ARHGEF4: variants seen among roughly 807,000 people sequenced by gnomAD.
ARHGEF4 encodes the protein APC-stimulated guanine nucleotide exchange factor 1.
ARHGEF4 carries 119 observed loss-of-function variants against 162.0 expected under a neutral mutation model. The ratio of observed to expected loss-of-function variants is 0.73; its 90% CI spans 0.63 to 0.86. ARHGEF4 has a LOEUF of 0.86. ARHGEF4 is among the 40% of genes least tolerant of loss of function. The pLI, the probability that ARHGEF4 is intolerant of heterozygous loss-of-function variation, is 0.00. For synonymous variants in ARHGEF4, 1,014 were observed against 979.9 expected, an observed-to-expected ratio of 1.03 and a Z score of -0.65; for missense variants, 2,488 against 2,456.0, an observed-to-expected ratio of 1.01 and a Z score of -0.28.
intron 1 of ARHGEF4, among the ~76,000 whole-genome samples, chr2:130,875,448 G>A (rs1574139004): frequency 6.6e-6 from 1 of 152,164 alleles, no homozygotes; most frequent in African/African-American, 2.4e-5. Flanking sequence ...AGACAGCCAC[G>A]TCTGCTTGGC....
chr2:130,877,145 C>A (rs553436496), intron 1 of ARHGEF4, among the ~76,000 whole-genome samples: 1 of 152,084 alleles, frequency 6.6e-6, no homozygotes, highest in African/African-American at 2.4e-5. Flanking sequence ...TGCGTAGAAG[C>A]GGTGCTCCCA....
chr2:130,973,882 CA>C (rs1685520878), intron 4 of ARHGEF4, among the ~76,000 whole-genome samples: 1 of 152,062 alleles, frequency 6.6e-6, no homozygotes, highest in African/African-American at 2.4e-5. Context: ...ATTTTAGGTA[CA>C]AAAGTTATCA....
intron 1 of ARHGEF4, among the ~76,000 whole-genome samples, chr2:130,854,479 C>T (rs906693163): frequency 1.3e-5 from 2 of 152,220 alleles, no homozygotes; most frequent in Non-Finnish European, 2.9e-5. Flanking sequence ...TTTGGCTGCA[C>T]CCCAGGAGGG....
chr2:130,904,900 G>A (rs1274153199), intron 1 of ARHGEF4, among the ~76,000 whole-genome samples: 3 of 152,096 alleles, frequency 2.0e-5, no homozygotes, highest in Non-Finnish European at 2.9e-5. Flanking sequence ...CCAACATGGC[G>A]AAACCCTGTC....
chr2:130,837,663 G>C, intron 1 of ARHGEF4: 1 of 444,066 alleles, frequency 2.3e-6, no homozygotes, highest in Middle Eastern at 4.0e-4. Flanking sequence ...GCACTGTCAG[G>C]GGTGGCCGGC....
chr2:130,985,615 T>C (rs193257282), intron 4 of ARHGEF4, among the ~76,000 whole-genome samples: 33 of 152,266 alleles, frequency 2.2e-4, no homozygotes, highest in African/African-American at 7.7e-4. Flanking sequence ...CTGAAAGTCC[T>C]TTCCTGAGGA....
intron 4 of ARHGEF4, among the ~76,000 whole-genome samples, chr2:130,969,553 C>G (rs890250882): frequency 7.3e-5 from 11 of 151,486 alleles, no homozygotes; most frequent in Non-Finnish European, 1.6e-4. Context: ...GAGCCGAGAT[C>G]GCGCCACTGC....
chr2:131,038,848 G>A lies in ARHGEF4; in HGVS notation c.4126-5G>A, dbSNP rs557130334. ...TGACCCGCCTGCCCGTGGCTCTCTC[G>A]GCAGCTCATCAGCGATGGCAGTGTG... On this transcript the variant is annotated splice_polypyrimidine_tract_variant and splice_region_variant and intron_variant, in intron 5 of 13. Transcript: ENST00000409359. The A allele has an allele frequency of 6.2e-6, 10 of 1,600,402 alleles. No homozygotes were observed. Among genetic ancestry groups the A allele is most frequent in the African/African-American group, 4.0e-5 (3 of 74,746 alleles).
Position 130,917,025 on chromosome 2 carries a change from G to T in ARHGEF4, c.3079G>T (p.Glu1027Ter). The T allele has an allele frequency of 6.4e-7, 1 of 1,550,916 alleles. No individual in the cohort carries two copies. The highest frequency in any genetic ancestry group is 8.7e-7 in the Non-Finnish European group (1 of 1,147,078). ...TTCTCCAGAACACAGGAGGAAAAGT[G>T]AACCGACCATCAAGTGCACAGCCAC... Reference protein sequence around the residue: ...LVSPEHRRKSEPTIKCTATQE... With the variant: ...LVSPEHRRKS The change falls in exon 2 of 14, where the codon GAA (glutamate) becomes TAA (stop). Residue 1027 changes from glutamate (E) to a stop codon, truncating the protein, a stop_gained. Coordinates refer to ENST00000409359, the MANE Select transcript of ARHGEF4 (RefSeq NM_001367493.1). LOFTEE classifies it high-confidence loss of function.
At chr2:131,027,041 G>T (rs774771253) in intron 4 of ARHGEF4, among the ~76,000 whole-genome samples, 1 of 152,204 alleles carries the variant, frequency 6.6e-6, no homozygotes, top group East Asian at 1.9e-4. Flanking sequence ...TAGTGGGGCC[G>T]TCATGAAAGC....
chr2:130,948,649 A>G (rs1683767738), intron 4 of ARHGEF4, among the ~76,000 whole-genome samples: 1 of 152,262 alleles, frequency 6.6e-6, no homozygotes, highest in Non-Finnish European at 1.5e-5. Context: ...AGTGACATCC[A>G]GCATGTATGC....
Position 130,998,089 on chromosome 2 carries a change from A to G in ARHGEF4, c.3986-29856A>G, listed in dbSNP as rs149534075. 1.6e-3 allele frequency among the ~76,000 whole-genome samples: 247 copies of G among 152,170 alleles called. 1 individual carries two copies. Among genetic ancestry groups the G allele is most frequent in the African/African-American group, 5.4e-3 (226 of 41,512 alleles). ...GAGACCCCTTCTTTCACCACTTCCC[A>G]CTAACTCATAAGCTCTTGATGCCCA... On this transcript the variant is annotated intron_variant, in intron 4 of 13. Coordinates refer to ENST00000409359, the MANE Select transcript of ARHGEF4 (RefSeq NM_001367493.1).
chr2:131,000,348 G>A lies in ARHGEF4; in HGVS notation c.3986-27597G>A, dbSNP rs537838662. Among the ~76,000 whole-genome samples the A allele has an allele frequency of 5.3e-5, 8 of 152,212 alleles. No homozygotes were observed. In the South Asian group the frequency reaches 1.5e-3, roughly 28 times the overall value. The stretch of plus-strand genomic sequence containing the variant: ...GTTGTATTTGATTAGCTAATATTTT[G>A]TTCGGGATTTTGTATCTATTTTCAT... On this transcript the variant is annotated intron_variant, in intron 4 of 13. Transcript: ENST00000409359.
intron 1 of ARHGEF4, among the ~76,000 whole-genome samples, chr2:130,903,537 C>T (rs966793398): frequency 1.3e-5 from 2 of 152,142 alleles, no homozygotes; most frequent in South Asian, 2.1e-4. Flanking sequence ...GGATTACAGG[C>T]GTGAGCCACC....
At position 130,987,236 on chromosome 2, in the gene ARHGEF4, CAGA is replaced by C. The variant is rs1686577461; in HGVS notation, c.3985+40604_3985+40606del. ...AAGGCTGCCCTGCCTTCCCAGATTCCAGAAGGACTCCCCAAGTGCTAGAGACAG... is the reference window on the plus strand; with the variant it reads ...AAGGCTGCCCTGCCTTCCCAGATTCCAGGACTCCCCAAGTGCTAGAGACAG... On this transcript the variant is annotated intron_variant, in intron 4 of 13. Coordinates refer to ENST00000409359, the MANE Select transcript of ARHGEF4 (RefSeq NM_001367493.1). 2.0e-5 allele frequency among the ~76,000 whole-genome samples: 3 copies of C among 152,236 alleles called. No individual in the cohort carries two copies. The South Asian group carries it at 6.2e-4, about 31-fold the overall frequency.
At chr2:130,997,176 G>A (rs1429787516) in intron 4 of ARHGEF4, among the ~76,000 whole-genome samples, 1 of 152,172 alleles carries the variant, frequency 6.6e-6, no homozygotes, top group African/African-American at 2.4e-5. Flanking sequence ...TTTAGGTCAA[G>A]TGGAGCCCCC....
At chr2:130,865,370 T>C (rs1022793937) in intron 1 of ARHGEF4, among the ~76,000 whole-genome samples, 3 of 152,218 alleles carry the variant, frequency 2.0e-5, no homozygotes, top group African/African-American at 7.2e-5. Context: ...TCATGCCTTG[T>C]ATTAAATGGA....
intron 4 of ARHGEF4, among the ~76,000 whole-genome samples, chr2:130,961,404 C>G (rs1229291553): frequency 6.6e-6 from 1 of 152,114 alleles, no homozygotes; most frequent in Non-Finnish European, 1.5e-5. Flanking sequence ...AAGAGAAGAG[C>G]ATCCCAGGTG....
chr2:130,956,637 G>T (rs1277527029), intron 4 of ARHGEF4, among the ~76,000 whole-genome samples: 6 of 151,622 alleles, frequency 4.0e-5, no homozygotes, highest in Non-Finnish European at 7.4e-5. Flanking sequence ...ATACTATGCA[G>T]CCATAAAAAA....
Sources: gnomAD v4.1 joint callset for allele counts (sites outside exome capture counted in the v4.1 genomes callset) on GRCh38, gnomAD v4.1.1 for gene constraint, MANE v1.5 for transcripts, NCBI Gene and HGNC (gene_info 2026-07-23, HGNC 2026-07-21) for gene names.